LHCGR: variants seen among roughly 807,000 people sequenced by gnomAD.
The protein encoded by LHCGR is luteinizing hormone/choriogonadotropin receptor.
LHCGR carries 55 observed loss-of-function variants against 60.7 expected under a neutral mutation model. The ratio of observed to expected loss-of-function variants is 0.91; its 90% CI spans 0.73 to 1.13. The LOEUF is 1.13. Ranked by LOEUF, LHCGR falls within the 50% of genes most tolerant of loss-of-function variation. The pLI is 0.00. For synonymous variants in LHCGR, 337 were observed against 316.5 expected (o/e 1.06, Z -0.69); for missense variants, 862 against 836.0 (o/e 1.03, Z -0.38).
intron 1 of LHCGR, among the ~76,000 whole-genome samples, chr2:48,750,719 A>C (rs1353941127): frequency 6.6e-6 from 1 of 152,214 alleles, no homozygotes; most frequent in African/African-American, 2.4e-5. Flanking sequence ...CTACATGTGA[A>C]ATTCTGGGAA....
chr2:48,751,336 C>A (rs764011904), intron 1 of LHCGR, among the ~76,000 whole-genome samples: 1 of 152,182 alleles, frequency 6.6e-6, no homozygotes, highest in Non-Finnish European at 1.5e-5. Flanking sequence ...ATTTCCCCCC[C>A]AGCCTGGGAA....
At chr2:48,753,624 T>TA in intron 1 of LHCGR, among the ~76,000 whole-genome samples, 1 of 152,160 alleles carries the variant, frequency 6.6e-6, no homozygotes, top group East Asian at 1.9e-4. Flanking sequence ...GTGGGATTTT[T>TA]AAAAAAAATT....
chr2:48,747,496 C>T (rs974271002), intron 1 of LHCGR, among the ~76,000 whole-genome samples: 1 of 152,176 alleles, frequency 6.6e-6, no homozygotes, highest in Non-Finnish European at 1.5e-5. Context: ...CAAAAATGCG[C>T]CCTTCTCTGG....
chr2:48,711,807 C>T (rs1363194132), intron 7 of LHCGR, among the ~76,000 whole-genome samples: 2 of 152,154 alleles, frequency 1.3e-5, no homozygotes, highest in African/African-American at 4.8e-5. Context: ...ATGATCCTGG[C>T]ATTTGTGTCT....
At chr2:48,752,981 C>CGGGGGGGGGGGGGGGGGGGGGGGGG (rs60837194) in intron 1 of LHCGR, among the ~76,000 whole-genome samples, 3 of 7,622 alleles carry the variant, frequency 3.9e-4, no homozygotes, top group Admixed American at 1.4e-3. Context: ...CGGATTTTGG[C>CGGGGGGGGGGGGGGGGGGGGGGGGG]GGGGGGGGGG....
intron 1 of LHCGR, among the ~76,000 whole-genome samples, chr2:48,740,343 G>A (rs1019508156): frequency 1.6e-4 from 25 of 152,250 alleles, no homozygotes; most frequent in African/African-American, 5.3e-4. Flanking sequence ...GCCCACCACA[G>A]CTCAAGAAGG....
intron 6 of LHCGR, among the ~76,000 whole-genome samples, chr2:48,722,388 A>C (rs139402438): frequency 3.7e-4 from 56 of 152,288 alleles, no homozygotes; most frequent in African/African-American, 1.2e-3. Flanking sequence ...GCTATTTCTA[A>C]CTAGAGGATA....
At position 48,687,581 on chromosome 2, in the gene LHCGR, G is replaced by A. The variant is rs886620435; in HGVS notation, c.*116C>T. ...ACTAGGTAGAGGTCTCTTGCCTAAT[G>A]TACCTAAAAATAAATAATTTCCTAA... is the stretch of plus-strand genomic sequence containing the variant. On this transcript the variant is annotated 3_prime_UTR_variant, in exon 11 of 11. Transcript: ENST00000294954. 1.2e-6 allele frequency: 1 copy of A among 837,578 alleles called. No individual in the cohort carries two copies. The highest frequency in any genetic ancestry group is 1.9e-6 in the Non-Finnish European group (1 of 514,458). 51.9% of individuals were successfully genotyped at this position (837,578 alleles called of 1,614,324 possible). A position where few individuals can be genotyped will look rare whatever the true frequency, so the allele number is the denominator to read the frequency against.
In LHCGR at chr2:48,687,514, A is replaced by G. The variant is rs1399699702; in HGVS notation, c.*183T>C. The G allele has an allele frequency of 2.3e-5, 13 of 553,518 alleles. No homozygotes were observed. The Admixed American group carries it at 2.5e-4, about 11-fold the overall frequency. The allele number at this position is 553,518 out of a possible 1,614,324, so 34.3% of individuals were successfully genotyped here. On this transcript the variant is annotated 3_prime_UTR_variant, in exon 11 of 11. Transcript: ENST00000294954. ...AGTATTTATGCCATGTAACAATGAC[A>G]AATAGTTTTTAGTGTGGCAGTGGTC...
At chr2:48,738,948 C>T (rs75718406) in intron 1 of LHCGR, among the ~76,000 whole-genome samples, 227 of 152,332 alleles carry the variant, frequency 1.5e-3, no homozygotes, top group Non-Finnish European at 2.6e-3. Context: ...TACTGAACAG[C>T]ACCTCCCTAG....
intron 7 of LHCGR, among the ~76,000 whole-genome samples, chr2:48,709,936 G>A (rs1404031890): frequency 6.6e-6 from 1 of 152,180 alleles, no homozygotes; most frequent in Non-Finnish European, 1.5e-5. Context: ...GAATGGTTGT[G>A]ATTCAGAGCA....
At chr2:48,751,025 A>G (rs1373904998) in intron 1 of LHCGR, among the ~76,000 whole-genome samples, 1 of 152,206 alleles carries the variant, frequency 6.6e-6, no homozygotes, top group Non-Finnish European at 1.5e-5. Context: ...TGTTGAACAA[A>G]TGGCTGCATT....
chr2:48,720,900 T>C (rs1033113206), intron 6 of LHCGR: 2 of 152,318 alleles, frequency 1.3e-5, no homozygotes, highest in African/African-American at 4.8e-5. Context: ...ACAGTGCAGG[T>C]ATTTAATAAG....
At chr2:48,719,001 T>C (rs1668380780) in intron 6 of LHCGR, among the ~76,000 whole-genome samples, 1 of 152,154 alleles carries the variant, frequency 6.6e-6, no homozygotes, top group African/African-American at 2.4e-5. Context: ...ATAAAAAGGG[T>C]GACAGGCATC....
At chr2:48,728,557 T>G (rs1668847736) in intron 3 of LHCGR, among the ~76,000 whole-genome samples, 1 of 152,166 alleles carries the variant, frequency 6.6e-6, no homozygotes, top group African/African-American at 2.4e-5. Context: ...GGTTAACCTC[T>G]TCAGGCCACA....
intron 1 of LHCGR, among the ~76,000 whole-genome samples, chr2:48,753,467 G>C (rs192596421): frequency 6.6e-6 from 1 of 152,114 alleles, no homozygotes; most frequent in Admixed American, 6.5e-5. Flanking sequence ...GGGTCACCAC[G>C]CTTGGCTAAG....
At chr2:48,693,697 A>G (rs1666973226) in intron 10 of LHCGR, among the ~76,000 whole-genome samples, 1 of 152,246 alleles carries the variant, frequency 6.6e-6, no homozygotes, top group Non-Finnish European at 1.5e-5. Flanking sequence ...TTTATAGCAG[A>G]AAAGTGTTAA....
At chr2:48,723,920 T>A (rs1668611262) in intron 4 of LHCGR, among the ~76,000 whole-genome samples, 1 of 152,228 alleles carries the variant, frequency 6.6e-6, no homozygotes, top group African/African-American at 2.4e-5. Flanking sequence ...TAATGACTGC[T>A]ATTTAGAGAC....
At position 48,737,613 on chromosome 2, in the gene LHCGR, G is replaced by A. The variant is rs116139300; in HGVS notation, c.162-6315C>T. The stretch of plus-strand genomic sequence containing the variant: ...CGGACTATTTGGTGGCTTCATTACA[G>A]GGAATGTCTTCACTTATTGGCCTAT... On this transcript the variant is annotated intron_variant, in intron 1 of 10. Transcript: ENST00000294954. 9.6e-3 allele frequency among the ~76,000 whole-genome samples: 1,468 copies of A among 152,342 alleles called. 33 individuals carry two copies. The highest frequency in any genetic ancestry group is 0.033 in the African/African-American group (1,352 of 41,574).
Sources: gnomAD v4.1 joint callset for allele counts (sites outside exome capture counted in the v4.1 genomes callset) on GRCh38, gnomAD v4.1.1 for gene constraint, MANE v1.5 for transcripts, NCBI Gene and HGNC (gene_info 2026-07-23, HGNC 2026-07-21) for gene names.